MAP3K14: variants seen among roughly 807,000 people sequenced by gnomAD.
MAP3K14 encodes mitogen-activated protein kinase kinase kinase 14.
A neutral mutation model predicts 99.2 loss-of-function variants in MAP3K14; 16 were observed. That is an observed-to-expected ratio of 0.16 (90% CI 0.11 to 0.24). The LOEUF is 0.24. Among genes scored for constraint, MAP3K14 ranks in the 10% least tolerant of loss-of-function variants. The pLI, the probability that MAP3K14 is intolerant of heterozygous loss-of-function variation, is 1.00. For missense variants in MAP3K14, 784 were observed against 1,208.7 expected, an observed-to-expected ratio of 0.65 and a Z score of 5.21; for synonymous variants, 462 against 492.4, an observed-to-expected ratio of 0.94 and a Z score of 0.82.
At chr17:45,302,285 G>T (rs939404064) in intron 1 of MAP3K14, among the ~76,000 whole-genome samples, 8 of 151,744 alleles carry the variant, frequency 5.3e-5, no homozygotes, top group African/African-American at 1.9e-4. Context: ...TTCTCTGTAG[G>T]TATTACTTTT....
chr17:45,268,744 T>G (rs945192885), intron 11 of MAP3K14: 9 of 152,208 alleles, frequency 5.9e-5, no homozygotes, highest in African/African-American at 2.2e-4. Context: ...AGGGACCCCA[T>G]CGTACCCTAC....
chr17:45,286,427 T>G lies in MAP3K14; in HGVS notation c.1152+4A>C. 6.3e-7 allele frequency: 1 copy of G among 1,581,008 alleles called. No homozygotes were observed. Among genetic ancestry groups the G allele is most frequent in the Non-Finnish European group, 8.6e-7 (1 of 1,159,598 alleles). ...ACATATACAGGTGCCGGGGGATTAG[T>G]TACCTCAGTGAGCAGGACACCCTCG... On this transcript the variant is annotated splice_donor_region_variant and intron_variant, in intron 5 of 15. Coordinates refer to ENST00000344686, the MANE Select transcript of MAP3K14 (RefSeq NM_003954.5). This position sits in a 1 kb window ranked among gnomAD's most constrained non-coding sequence, Gnocchi z 4.1.
chr17:45,280,865 C>T (rs1948320378), intron 6 of MAP3K14, among the ~76,000 whole-genome samples: 1 of 152,106 alleles, frequency 6.6e-6, no homozygotes, highest in African/African-American at 2.4e-5. Flanking sequence ...CCCGCTTTGG[C>T]CTTCCAAAGT....
At chr17:45,298,819 G>C (rs1281232322) in intron 1 of MAP3K14, among the ~76,000 whole-genome samples, 1 of 152,214 alleles carries the variant, frequency 6.6e-6, no homozygotes, top group Non-Finnish European at 1.5e-5. Context: ...GGGGGAAACA[G>C]ACAAGAAGTC....
chr17:45,288,567 G>A (rs1291025017), intron 3 of MAP3K14, among the ~76,000 whole-genome samples: 2 of 151,954 alleles, frequency 1.3e-5, no homozygotes, highest in East Asian at 1.9e-4. Flanking sequence ...TAGCAGAGAC[G>A]GGGTTTCACC....
chr17:45,289,157 G>A (rs2044291485), intron 3 of MAP3K14, 79 bp downstream of exon 3: 5 of 1,297,446 alleles, frequency 3.9e-6, no homozygotes, highest in Middle Eastern at 2.2e-4. Context: ...GTCAGCAGGA[G>A]CGGCCCAGGC....
At chr17:45,313,821 C>T (rs974568128) in intron 1 of MAP3K14, among the ~76,000 whole-genome samples, 4 of 152,136 alleles carry the variant, frequency 2.6e-5, no homozygotes, top group African/African-American at 7.2e-5. Flanking sequence ...AAATCCTTAT[C>T]GTTTCATGAG....
chr17:45,295,185 A>G (rs562166035), intron 1 of MAP3K14, among the ~76,000 whole-genome samples: 48 of 152,284 alleles, frequency 3.2e-4, no homozygotes, highest in African/African-American at 1.1e-3. Context: ...TAAAAATTCC[A>G]GACTGGGAAC....
intron 3 of MAP3K14, 139 bp from the exon 4 acceptor site, chr17:45,287,503 T>A (rs2044277228): frequency 1.5e-6 from 1 of 667,900 alleles, no homozygotes; most frequent in African/African-American, 1.8e-5. Context: ...CGGCAAGGTT[T>A]CTAAATCCCA....
intron 6 of MAP3K14, among the ~76,000 whole-genome samples, chr17:45,275,080 A>G (rs995376313): frequency 1.1e-4 from 17 of 151,808 alleles, no homozygotes; most frequent in African/African-American, 3.6e-4. Flanking sequence ...CGGAGCTTGC[A>G]GTGAGCTGAG....
intron 6 of MAP3K14, chr17:45,281,743 C>G (rs1265139234): frequency 6.9e-6 from 1 of 145,200 alleles, no homozygotes; most frequent in Non-Finnish European, 1.5e-5. Flanking sequence ...CTCCCAGGTT[C>G]AAGCAATTCT....
At position 45,264,690 on chromosome 17, in the gene MAP3K14, G is replaced by A. The variant is rs755863088; in HGVS notation, c.2790C>T (p.Gly930=). The A allele has an allele frequency of 6.2e-7, 1 of 1,605,486 alleles. No individual in the cohort carries two copies. The highest frequency in any genetic ancestry group is 1.3e-5 in the African/African-American group (1 of 74,748). ...IDLQCTLAPD[G]SFAWSWRVKH... is the part of the protein sequence containing the mutation. ...TGACCCTCCAGCTCCAGGCGAAGCTGCCATCAGGGGCCAGTGTGCACTGCA... is the reference window on the plus strand; with the variant it reads ...TGACCCTCCAGCTCCAGGCGAAGCTACCATCAGGGGCCAGTGTGCACTGCA... The change falls in exon 16 of 16, where the codon GGC becomes GGT. Residue 930 remains glycine (G), a synonymous_variant. Coordinates refer to ENST00000344686, the MANE Select transcript of MAP3K14 (RefSeq NM_003954.5).
At chr17:45,273,889 A>G (rs1230610141) in intron 8 of MAP3K14, 1 of 641,984 alleles carries the variant, frequency 1.6e-6, no homozygotes, top group East Asian at 2.8e-5. Flanking sequence ...AGGGGTCACC[A>G]GTGGGTGGGA....
At chr17:45,313,682 C>A (rs1316764169) in intron 1 of MAP3K14, among the ~76,000 whole-genome samples, 1 of 152,164 alleles carries the variant, frequency 6.6e-6, no homozygotes, top group Non-Finnish European at 1.5e-5. Flanking sequence ...GTCCAGGCAG[C>A]AGGCTATTCA....
chr17:45,267,157 C>T lies in MAP3K14; in HGVS notation c.2368G>A (p.Glu790Lys). Residue 790 changes from glutamate to lysine, a missense_variant, in exon 13 of 16, where the codon GAG becomes AAG. Transcript: ENST00000344686. This position sits in a 1 kb window ranked among gnomAD's most constrained non-coding sequence, Gnocchi z 5.1. ...NSLSQPFSLE[E>K]QEQILSCLSI... ...AGGCACGAGAGAATTTGCTCCTGCT[C>T]CTCCAGAGAAAATGGCTGGGACAGG... 6.2e-7 allele frequency: 1 copy of T among 1,602,534 alleles called. No individual in the cohort carries two copies. The highest frequency in any genetic ancestry group is 8.5e-7 in the Non-Finnish European group (1 of 1,174,442).
rs371910038 is a variant in MAP3K14 at position 45,286,718 on chromosome 17, A to G, written c.865T>C (p.Cys289Arg). 3 of 1,610,094 alleles carry G rather than the reference A, an allele frequency of 1.9e-6. No individual in the cohort carries two copies. Among genetic ancestry groups the G allele is most frequent in the Non-Finnish European group, 2.5e-6 (3 of 1,178,234 alleles). The change falls in exon 5 of 16, where the codon TGT becomes CGT. Residue 289 changes from cysteine (C) to arginine (R), a missense_variant. By Grantham distance (180) the Cys-to-Arg change is radical. Transcript: ENST00000344686. The surrounding 1 kb of genome is among the most constrained non-coding windows in gnomAD (Gnocchi z 4.1). Reference sequence around the variant, plus strand: ...GGCAAGGGTTTCTGGCTGTCTACACAGGCCAGTTTGCCCAGGAAGGACTCC... The same window carrying G: ...GGCAAGGGTTTCTGGCTGTCTACACGGGCCAGTTTGCCCAGGAAGGACTCC... ...PLESFLGKLA[C>R]VDSQKPLPDP... is the part of the protein sequence containing the mutation.
intron 9 of MAP3K14, among the ~76,000 whole-genome samples, chr17:45,271,914 A>G (rs2044145420): frequency 6.6e-6 from 1 of 152,226 alleles, no homozygotes; most frequent in South Asian, 2.1e-4. Context: ...AAAAATTGTA[A>G]TAGAAAACTT....
At chr17:45,277,535 A>G (rs1446553404) in intron 6 of MAP3K14, among the ~76,000 whole-genome samples, 1 of 152,186 alleles carries the variant, frequency 6.6e-6, no homozygotes, top group Non-Finnish European at 1.5e-5. Context: ...ATCACCTCCC[A>G]TGAACTTTGA....
intron 1 of MAP3K14, among the ~76,000 whole-genome samples, chr17:45,309,945 C>T (rs141565602): frequency 1.1e-3 from 160 of 151,796 alleles, no homozygotes; most frequent in African/African-American, 3.6e-3. Flanking sequence ...TCTCCAGGCA[C>T]AGCATCTGCC....
Sources: allele counts gnomAD v4.1 joint callset (sites outside exome capture counted in the v4.1 genomes callset), GRCh38; gene constraint gnomAD v4.1.1; non-coding constraint Gnocchi (gnomAD v3.1); transcripts MANE v1.5; gene names NCBI Gene and HGNC (gene_info 2026-07-23, HGNC 2026-07-21).